Variants in CCDC171 observed in about 807,000 individuals in gnomAD.
CCDC171 encodes the protein coiled-coil domain containing 171.
In CCDC171, 177 loss-of-function variants were observed where a neutral mutation model predicts 168.2. The observed-to-expected ratio is 1.05, with a 90% CI of 0.93 to 1.19. CCDC171 has a LOEUF of 1.19. CCDC171 is among the 50% of genes most tolerant of loss of function. The probability of loss-of-function intolerance (pLI) is 0.00; values close to 1 mark genes in which losing one functional copy is unlikely to be tolerated. For missense variants in CCDC171, 1,991 were observed against 1,539.0 expected, an observed-to-expected ratio of 1.29 and a Z score of -4.91; for synonymous variants, 687 against 540.8, an observed-to-expected ratio of 1.27 and a Z score of -3.75.
At chr9:15,916,886 A>T (rs2131935185) in intron 24 of CCDC171, among the ~76,000 whole-genome samples, 2 of 152,046 alleles carry the variant, frequency 1.3e-5, no homozygotes, top group Middle Eastern at 6.8e-3. Flanking sequence ...TCTCACTGAG[A>T]TACAGATCTC....
the CCDC171 span, among the ~76,000 whole-genome samples, chr9:16,103,630 C>G: frequency 5.3e-5 from 8 of 152,184 alleles, no homozygotes. Context: ...GTTAGAAATC[C>G]CTTCTGTGGC....
At chr9:15,928,389 C>G (rs1022547125) in intron 25 of CCDC171, among the ~76,000 whole-genome samples, 1 of 151,642 alleles carries the variant, frequency 6.6e-6, no homozygotes, top group East Asian at 1.9e-4. Context: ...TGAAAGATGT[C>G]TAGCATGGTT....
chr9:15,660,289 TTTTTC>T (rs570578689), intron 8 of CCDC171, among the ~76,000 whole-genome samples: 1 of 152,186 alleles, frequency 6.6e-6, no homozygotes, highest in Admixed American at 6.5e-5. Flanking sequence ...TGAAGTTTTC[TTTTTC>T]TTTTCTTTTC....
At chr9:15,592,658 G>A (rs1009875935) in intron 5 of CCDC171, among the ~76,000 whole-genome samples, 1 of 151,936 alleles carries the variant, frequency 6.6e-6, no homozygotes, top group Non-Finnish European at 1.5e-5. Context: ...GGGAGGTTTC[G>A]GTGGTAACTG....
chr9:15,828,939 G>A (rs2060124071), intron 21 of CCDC171, among the ~76,000 whole-genome samples: 1 of 152,128 alleles, frequency 6.6e-6, no homozygotes, highest in Non-Finnish European at 1.5e-5. Context: ...TGGAAGACTG[G>A]GAACTGTACA....
chr9:15,768,881 G>A (rs1418456613), intron 18 of CCDC171, among the ~76,000 whole-genome samples: 2 of 152,150 alleles, frequency 1.3e-5, no homozygotes, highest in African/African-American at 2.4e-5. Context: ...AGTATCAGCA[G>A]CAATATTGTT....
At chr9:15,951,124 C>A (rs1479378872) in intron 25 of CCDC171, among the ~76,000 whole-genome samples, 1 of 150,482 alleles carries the variant, frequency 6.6e-6, no homozygotes, top group South Asian at 2.2e-4. Context: ...ATTCATAAAG[C>A]AAGTCCTGAG....
intron 6 of CCDC171, among the ~76,000 whole-genome samples, chr9:15,612,856 T>G (rs1056395905): frequency 1.3e-5 from 2 of 152,352 alleles, no homozygotes; most frequent in African/African-American, 4.8e-5. Flanking sequence ...TTTTTCCCAC[T>G]GAACATCTGT....
chr9:15,796,251 G>A (rs1262114868), intron 21 of CCDC171, among the ~76,000 whole-genome samples: 1 of 151,952 alleles, frequency 6.6e-6, no homozygotes, highest in Non-Finnish European at 1.5e-5. Context: ...AAGTATATTA[G>A]CAAATTGTAA....
At chr9:15,981,757 A>T (rs1386608092) in intron 3 of CCDC171, among the ~76,000 whole-genome samples, 1 of 151,346 alleles carries the variant, frequency 6.6e-6, no homozygotes, top group Non-Finnish European at 1.5e-5. Flanking sequence ...TCCCTTTTCC[A>T]CCCCCACCTT....
At chr9:15,568,171 T>C (rs2039901170) in intron 2 of CCDC171, among the ~76,000 whole-genome samples, 1 of 152,168 alleles carries the variant, frequency 6.6e-6, no homozygotes, top group African/African-American at 2.4e-5. Flanking sequence ...ATCATGTCCT[T>C]TGTAATTAAA....
chr9:15,688,492 C>A (rs567116387), intron 10 of CCDC171, among the ~76,000 whole-genome samples: 2 of 152,046 alleles, frequency 1.3e-5, no homozygotes, highest in African/African-American at 4.8e-5. Flanking sequence ...CAAGCTGAAT[C>A]CAGCAAGATA....
chr9:15,885,883 C>G (rs539759150), intron 24 of CCDC171: 1 of 152,162 alleles, frequency 6.6e-6, no homozygotes, highest in South Asian at 2.1e-4. Context: ...TCCACAGATG[C>G]CTTACATTTG....
intron 1 of CCDC171, among the ~76,000 whole-genome samples, chr9:15,556,402 T>C (rs1176434647): frequency 6.6e-6 from 1 of 152,168 alleles, no homozygotes; most frequent in Non-Finnish European, 1.5e-5. Flanking sequence ...CTAGCACCTG[T>C]TGTTTCCTGA....
intron 7 of CCDC171, among the ~76,000 whole-genome samples, chr9:15,652,578 C>T (rs1372775510): frequency 6.6e-6 from 1 of 151,928 alleles, no homozygotes; most frequent in Non-Finnish European, 1.5e-5. Context: ...TTACAGGTGG[C>T]CACCACCACA....
chr9:16,067,408 A>G, the CCDC171 span, among the ~76,000 whole-genome samples: 16 of 152,210 alleles, frequency 1.1e-4, no homozygotes, highest in Admixed American at 2.6e-4. Context: ...CCCATTTTGT[A>G]GGTTTCCTGT....
At chr9:15,672,947 G>T (rs1398513131) in intron 9 of CCDC171, among the ~76,000 whole-genome samples, 1 of 152,176 alleles carries the variant, frequency 6.6e-6, no homozygotes, top group Non-Finnish European at 1.5e-5. Flanking sequence ...ACCTTGGGCA[G>T]TATAGCCATT....
At chr9:15,881,990 C>G (rs1045283717) in intron 24 of CCDC171, among the ~76,000 whole-genome samples, 2 of 152,048 alleles carry the variant, frequency 1.3e-5, no homozygotes, top group South Asian at 2.1e-4. Flanking sequence ...TGTGGTAGTT[C>G]TATTTTTAGT....
the CCDC171 span, among the ~76,000 whole-genome samples, chr9:16,105,711 T>C: frequency 6.6e-6 from 1 of 152,318 alleles, no homozygotes; most frequent in East Asian, 1.9e-4. Flanking sequence ...AAAACACCAC[T>C]GTTTGGGTTT....
Sources: allele counts gnomAD v4.1 joint callset (sites outside exome capture counted in the v4.1 genomes callset), GRCh38; gene constraint gnomAD v4.1.1; transcripts MANE v1.5; gene names NCBI Gene and HGNC (gene_info 2026-07-23, HGNC 2026-07-21).